The following ABCC2 variants were observed in gnomAD, a reference collection of about 807,000 sequenced individuals.
ABCC2 encodes the protein ATP binding cassette subfamily C member 2, also known as ATP-binding cassette sub-family C member 2.
A neutral mutation model predicts 173.4 loss-of-function variants in ABCC2; 157 were observed. The ratio of observed to expected loss-of-function variants is 0.91; its 90% confidence interval spans 0.80 to 1.03. The LOEUF (loss-of-function observed/expected upper bound fraction) is 1.03. Among genes scored for constraint, ABCC2 ranks in the 50% least tolerant of loss-of-function variants. ABCC2 has a pLI of 0.00. For synonymous variants in ABCC2, 657 were observed against 693.5 expected, an observed-to-expected ratio of 0.95 and a Z score of 0.83; for missense variants, 1,822 against 1,852.3, an observed-to-expected ratio of 0.98 and a Z score of 0.30.
chr10:99,783,988 A>C (rs1590133269), intron 1 of ABCC2, among the ~76,000 whole-genome samples: 4 of 87,626 alleles, frequency 4.6e-5, no homozygotes, highest in African/African-American at 8.5e-5. Context: ...ATTGGTGCCC[A>C]CCCCCCACCC....
At chr10:99,804,693 G>A (rs2038070142) in intron 10 of ABCC2, among the ~76,000 whole-genome samples, 1 of 152,188 alleles carries the variant, frequency 6.6e-6, no homozygotes. Flanking sequence ...CCAGGTGGGA[G>A]GGCTCCGTGT....
chr10:99,810,289 G>A (rs939115891), intron 14 of ABCC2, 71 bp downstream of exon 14: 396 of 1,217,748 alleles, frequency 3.3e-4, no homozygotes, highest in Non-Finnish European at 4.6e-4. Flanking sequence ...TAATACAAGA[G>A]CTTAGTAGCA....
intron 29 of ABCC2, 140 bp downstream of exon 29, chr10:99,845,922 A>G (rs762269747): frequency 2.1e-6 from 2 of 960,308 alleles, no homozygotes; most frequent in East Asian, 2.7e-5. Context: ...CTAGTTCCCT[A>G]GGATGGACAC....
chr10:99,813,843 T>C (rs1445509768), intron 16 of ABCC2, among the ~76,000 whole-genome samples: 5 of 152,156 alleles, frequency 3.3e-5, no homozygotes, highest in Non-Finnish European at 7.3e-5. Flanking sequence ...TAAAAACTTA[T>C]ATAACTTTGT....
chr10:99,824,625 G>C (rs1185876772), intron 19 of ABCC2, among the ~76,000 whole-genome samples: 15 of 151,172 alleles, frequency 9.9e-5, no homozygotes, highest in Non-Finnish European at 7.4e-5. Flanking sequence ...GGCTGGTATA[G>C]TAAAGGCAAA....
intron 9 of ABCC2, 86 bp from the exon 10 acceptor site, chr10:99,803,933 T>C (rs1184487869): frequency 1.9e-6 from 3 of 1,566,394 alleles, no homozygotes; most frequent in African/African-American, 1.4e-5. Flanking sequence ...ATCCTTCCAT[T>C]GTAATCTCAC....
Position 99,847,099 on chromosome 10 carries a change from G to T in ABCC2, c.4285G>T (p.Glu1429Ter), listed in dbSNP as rs754646220. 1.9e-6 allele frequency: 3 copies of T among 1,614,004 alleles called. No homozygotes were observed. The change falls in exon 30 of 32, where the codon GAA (glutamate) becomes TAA (stop). Residue 1429 changes from glutamate (E) to a stop codon, truncating the protein, a stop_gained. Transcript: ENST00000647814. LOFTEE classifies it high-confidence loss of function. ...CAGCCTGCAACTTGGGTTATCCCAC[G>T]AAGTGACAGAGGCTGGTGGCAACCT... ...VASLQLGLSHEVTEAGGNLSI... is the reference protein window; with the variant it reads ...VASLQLGLSH
intron 14 of ABCC2, 30 bp from the exon 15 acceptor site, chr10:99,811,506 T>A (rs374867212): frequency 6.2e-7 from 1 of 1,612,736 alleles, no homozygotes; most frequent in Admixed American, 1.7e-5. Context: ...GGGACCTACA[T>A]TGGACTAAAA....
intron 2 of ABCC2, among the ~76,000 whole-genome samples, chr10:99,787,479 T>A (rs1158015687): frequency 6.6e-6 from 1 of 152,162 alleles, no homozygotes; most frequent in African/African-American, 2.4e-5. Flanking sequence ...AGTCTCGTTC[T>A]GTCGCCCAGG....
rs1564684025 is a variant in ABCC2, at chr10:99,814,247, A to ATG, written c.2094+1103_2094+1104insTG. 5.7e-3 allele frequency among the ~76,000 whole-genome samples: 372 copies of ATG among 65,554 alleles called. 90 individuals are homozygous for ATG. The highest frequency in any genetic ancestry group is 0.021 in the African/African-American group (296 of 13,892). The allele number at this position is 65,554 out of a possible 152,430, so 43.0% of individuals were successfully genotyped here. On this transcript the variant is annotated intron_variant, in intron 16 of 31. Coordinates refer to ENST00000647814, the MANE Select transcript of ABCC2 (RefSeq NM_000392.5). The stretch of plus-strand genomic sequence containing the variant: ...TACACACATGTGTATATATGCACAC[A>ATG]CGTATGTATACACACGTATGTATAC...
intron 2 of ABCC2, among the ~76,000 whole-genome samples, chr10:99,786,831 C>T (rs937604598): frequency 3.3e-5 from 5 of 152,072 alleles, no homozygotes; most frequent in African/African-American, 4.8e-5. Context: ...GGTGAAACCC[C>T]GTCTCTACTA....
intron 23 of ABCC2, among the ~76,000 whole-genome samples, chr10:99,833,251 AG>A (rs2038768776): frequency 6.6e-6 from 1 of 152,198 alleles, no homozygotes; most frequent in South Asian, 2.1e-4. Context: ...AGAACCTAAA[AG>A]AACACTCAAT....
Position 99,852,148 on chromosome 10 carries a change from G to A in ABCC2, c.*517G>A, listed in dbSNP as rs1254985807. 7.6e-5 allele frequency: 12 copies of A among 157,412 alleles called. No homozygotes were observed. The highest frequency in any genetic ancestry group is 7.4e-4 in the Admixed American group (12 of 16,194). The allele number at this position is 157,412 out of a possible 1,614,324, so 9.8% of individuals were successfully genotyped here. On this transcript the variant is annotated 3_prime_UTR_variant, in exon 32 of 32. Transcript: ENST00000647814. ...TCAGTTTTAATATTGGGGATCATTA[G>A]CATTATTCTCAGGTTTTTAAAAATT...
chr10:99,813,215 G>A (rs988431654), intron 16 of ABCC2, 71 bp downstream of exon 16: 10 of 1,570,738 alleles, frequency 6.4e-6, no homozygotes, highest in Admixed American at 3.6e-5. Context: ...TGCCTCACTG[G>A]GGAGAAGGCA....
intron 6 of ABCC2, among the ~76,000 whole-genome samples, chr10:99,795,801 A>AAGAT (rs1554847627): frequency 1.2e-4 from 12 of 102,390 alleles, no homozygotes; most frequent in South Asian, 3.3e-4. Context: ...GAAAGAAAGA[A>AAGAT]AGATTTCTAA....
rs919926134 is a variant in ABCC2, at chr10:99,846,087, C to T, written c.4146+305C>T. 1.3e-5 allele frequency among the ~76,000 whole-genome samples: 2 copies of T among 152,340 alleles called. 1 individual carries two copies. The highest frequency in any genetic ancestry group is 4.1e-4 in the South Asian group (2 of 4,832). On this transcript the variant is annotated intron_variant, in intron 29 of 31. Transcript: ENST00000647814. The stretch of plus-strand genomic sequence containing the variant: ...CGGTTTGCAAGACTTTTGCAATCAG[C>T]ATTAGCAGTTTTGCCGCTGAAGCTT...
chr10:99,809,543 C>T (rs936185270), intron 13 of ABCC2, among the ~76,000 whole-genome samples: 4 of 152,206 alleles, frequency 2.6e-5, no homozygotes, highest in Non-Finnish European at 5.9e-5. Flanking sequence ...GAAAAACCAT[C>T]TCATGACAGC....
intron 23 of ABCC2, among the ~76,000 whole-genome samples, chr10:99,832,794 C>CTTGGCA (rs2038762038): frequency 6.6e-6 from 1 of 152,182 alleles, no homozygotes; most frequent in African/African-American, 2.4e-5. Context: ...TCCTGGACCC[C>CTTGGCA]TTGGCATTCA....
chr10:99,818,793 A>T lies in ABCC2; in HGVS notation c.2275A>T (p.Ile759Leu). 1 of 1,614,116 alleles carries T rather than the reference A, an allele frequency of 6.2e-7. No homozygotes were observed. Among genetic ancestry groups the T allele is most frequent in the Non-Finnish European group, 8.5e-7 (1 of 1,180,018 alleles). ...GDLAEIGEKG[I>L]NLSGGQKQRI... ...TATGAATTATTTTCTTCTTCAGGGTATAAATCTTAGTGGGGGTCAGAAGCA... is the reference window on the plus strand; with the variant it reads ...TATGAATTATTTTCTTCTTCAGGGTTTAAATCTTAGTGGGGGTCAGAAGCA... Residue 759 changes from isoleucine to leucine, a missense_variant, in exon 18 of 32, where the codon ATA (isoleucine) becomes TTA (leucine). Ile to Leu is a conservative substitution (Grantham distance 5). Transcript: ENST00000647814.
Sources: allele counts gnomAD v4.1 joint callset (sites outside exome capture counted in the v4.1 genomes callset), GRCh38; gene constraint gnomAD v4.1.1; transcripts MANE v1.5; gene names NCBI Gene and HGNC (gene_info 2026-07-23, HGNC 2026-07-21).